Variants in GNAQ observed in about 807,000 individuals in gnomAD.
GNAQ encodes the protein guanine nucleotide-binding protein G(q) subunit alpha.
GNAQ carries 8 observed loss-of-function variants against 43.9 expected under a neutral mutation model. The ratio of observed to expected loss-of-function variants is 0.18; its 90% CI spans 0.11 to 0.33. The LOEUF (loss-of-function observed/expected upper bound fraction) is 0.33. Among genes scored for constraint, GNAQ ranks in the 10% least tolerant of loss-of-function variants. GNAQ has a pLI of 1.00. For missense variants in GNAQ, 158 were observed against 450.8 expected (o/e 0.35, Z 5.88); for synonymous variants, 155 against 170.7 (o/e 0.91, Z 0.71).
chr9:77,833,008 C>T (rs943349391), intron 2 of GNAQ, among the ~76,000 whole-genome samples: 4 of 152,070 alleles, frequency 2.6e-5, no homozygotes, highest in Non-Finnish European at 5.9e-5. Context: ...GCTCTATCTC[C>T]CAGGCTGGAA....
intron 5 of GNAQ, among the ~76,000 whole-genome samples, chr9:77,729,278 T>C (rs1389423895): frequency 1.3e-5 from 2 of 152,248 alleles, no homozygotes; most frequent in Admixed American, 6.5e-5. Context: ...TGTTTCACTA[T>C]ACTATTAATA....
chr9:77,852,569 T>C (rs1210441332), intron 2 of GNAQ, among the ~76,000 whole-genome samples: 2 of 152,234 alleles, frequency 1.3e-5, no homozygotes, highest in African/African-American at 4.8e-5. Flanking sequence ...ATTGAAAAGG[T>C]TGGCTCCTCC....
intron 2 of GNAQ, among the ~76,000 whole-genome samples, chr9:77,861,674 T>G (rs983309128): frequency 3.3e-5 from 5 of 152,096 alleles, no homozygotes; most frequent in Admixed American, 6.5e-5. Flanking sequence ...ATGATCTCCT[T>G]TGACTCCATG....
intron 5 of GNAQ, among the ~76,000 whole-genome samples, chr9:77,750,075 T>G (rs190475496): frequency 6.2e-4 from 94 of 151,990 alleles, no homozygotes; most frequent in African/African-American, 2.2e-3. Context: ...GCAGATGTGC[T>G]GATTGGCAAA....
intron 2 of GNAQ, among the ~76,000 whole-genome samples, chr9:77,871,899 C>T (rs2118030868): frequency 6.6e-6 from 1 of 152,224 alleles, no homozygotes; most frequent in South Asian, 2.1e-4. Flanking sequence ...TCATAAATGA[C>T]CACATGAAAG....
chr9:77,782,358 A>G (rs781087210), intron 5 of GNAQ, among the ~76,000 whole-genome samples: 2 of 152,190 alleles, frequency 1.3e-5, no homozygotes, highest in African/African-American at 2.4e-5. Context: ...TCACTTCACT[A>G]AAGTAGATAC....
intron 5 of GNAQ, among the ~76,000 whole-genome samples, chr9:77,764,063 G>A (rs1000941307): frequency 1.3e-5 from 2 of 152,144 alleles, no homozygotes; most frequent in African/African-American, 4.8e-5. Context: ...TTTATCCCTT[G>A]CCATGAGAAA....
chr9:77,873,616 G>A (rs1031899764), intron 2 of GNAQ, among the ~76,000 whole-genome samples: 3 of 152,200 alleles, frequency 2.0e-5, no homozygotes, highest in African/African-American at 4.8e-5. Context: ...CTGGCAGTGC[G>A]TAGCCAGGGA....
intron 1 of GNAQ, among the ~76,000 whole-genome samples, chr9:77,954,281 T>C (rs772134369): frequency 6.6e-6 from 1 of 152,210 alleles, no homozygotes; most frequent in Non-Finnish European, 1.5e-5. Flanking sequence ...AGCTCAACCA[T>C]GTGCCAAATG....
chr9:77,984,979 G>A (rs1442891691), intron 1 of GNAQ, among the ~76,000 whole-genome samples: 2 of 152,134 alleles, frequency 1.3e-5, no homozygotes, highest in African/African-American at 4.8e-5. Flanking sequence ...GCAATTTTAT[G>A]GCATGGACAT....
chr9:77,912,155 T>A (rs150522955), intron 2 of GNAQ, among the ~76,000 whole-genome samples: 1 of 152,174 alleles, frequency 6.6e-6, no homozygotes, highest in Admixed American at 6.6e-5. Context: ...TATTAAAACA[T>A]TGCAAAGCTC....
At chr9:77,871,688 C>T (rs563430753) in intron 2 of GNAQ, among the ~76,000 whole-genome samples, 1 of 152,124 alleles carries the variant, frequency 6.6e-6, no homozygotes, top group South Asian at 2.1e-4. Context: ...ACAGCAGCTC[C>T]CAGATGGAGC....
At position 77,853,774 on chromosome 9, in the gene GNAQ, CAAAAAAAAAAAA is replaced by C. The variant is rs34924714; in HGVS notation, c.322-38016_322-38005del. Among the ~76,000 whole-genome samples the C allele has an allele frequency of 6.3e-4, 36 of 56,744 alleles. 1 individual carries two copies. Among genetic ancestry groups the C allele is most frequent in the African/African-American group, 1.9e-3 (28 of 14,406 alleles). The allele number at this position is 56,744 out of a possible 152,430, so 37.2% of individuals were successfully genotyped here. A position where few individuals can be genotyped will look rare whatever the true frequency, so the allele number is the denominator to read the frequency against. ...TTTAGGATCTTTGTGAAATTACTAC[CAAAAAAAAAAAA>C]AAAAAAAAAAAAAACCCACAGGCAC... On this transcript the variant is annotated intron_variant, in intron 2 of 6. Transcript: ENST00000286548.
chr9:77,853,823 G>GA (rs1157144058), intron 2 of GNAQ, among the ~76,000 whole-genome samples: 2 of 132,504 alleles, frequency 1.5e-5, no homozygotes, highest in Non-Finnish European at 3.2e-5. Context: ...ATTTCATCAG[G>GA]AAAAAAAAGC....
intron 1 of GNAQ, among the ~76,000 whole-genome samples, chr9:78,030,194 CTG>C (rs1824032471): frequency 6.6e-6 from 1 of 152,126 alleles, no homozygotes; most frequent in Non-Finnish European, 1.5e-5. Flanking sequence ...AAGAGAGTAA[CTG>C]AGAGACTGCA....
chr9:77,905,929 A>T (rs150188014), intron 2 of GNAQ, among the ~76,000 whole-genome samples: 165 of 152,194 alleles, frequency 1.1e-3, no homozygotes, highest in African/African-American at 3.8e-3. Flanking sequence ...GGGAGCTGTC[A>T]GGGGGTGGGA....
chr9:77,778,652 A>G (rs73453703), intron 5 of GNAQ, among the ~76,000 whole-genome samples: 1 of 151,704 alleles, frequency 6.6e-6, no homozygotes, highest in Non-Finnish European at 1.5e-5. Flanking sequence ...CAGAATGGAT[A>G]AAAAAAACCA....
intron 1 of GNAQ, among the ~76,000 whole-genome samples, chr9:77,963,478 T>G (rs1022827376): frequency 1.1e-4 from 16 of 152,104 alleles, no homozygotes; most frequent in Admixed American, 9.8e-4. Flanking sequence ...ATCAAGAGCC[T>G]GAAGCATTTC....
intron 2 of GNAQ, 49 bp downstream of exon 2, chr9:77,922,112 G>T: frequency 7.6e-7 from 1 of 1,307,836 alleles, no homozygotes; most frequent in Non-Finnish European, 1.1e-6. Flanking sequence ...ACATTATTGT[G>T]AACACCTGGA....
Sources: gnomAD v4.1 joint callset for allele counts (sites outside exome capture counted in the v4.1 genomes callset) on GRCh38, gnomAD v4.1.1 for gene constraint, MANE v1.5 for transcripts, NCBI Gene and HGNC (gene_info 2026-07-23, HGNC 2026-07-21) for gene names.